Variants in CAST observed in about 807,000 individuals in gnomAD.
The protein encoded by CAST is calpastatin.
Under a neutral mutation model 119.6 loss-of-function variants are expected in CAST, and 76 were observed. That is an observed-to-expected ratio of 0.64 (90% confidence interval 0.53 to 0.77). The LOEUF is 0.77. CAST is among the 30% of genes least tolerant of loss of function. CAST has a pLI of 0.00. For missense variants in CAST, 953 were observed against 946.5 expected, an observed-to-expected ratio of 1.01 and a Z score of -0.09; for synonymous variants, 319 against 331.6, an observed-to-expected ratio of 0.96 and a Z score of 0.41.
At chr5:96,587,477 C>T (rs1025926810) in intron 1 of CAST, among the ~76,000 whole-genome samples, 5 of 152,106 alleles carry the variant, frequency 3.3e-5, no homozygotes, top group Admixed American at 6.5e-5. Flanking sequence ...TTGCTACTTA[C>T]GTTAAGTAGG....
At chr5:96,064,217 C>A in the CAST span, among the ~76,000 whole-genome samples, 2 of 152,054 alleles carry the variant, frequency 1.3e-5, no homozygotes, top group Non-Finnish European at 2.9e-5. Flanking sequence ...TCCAGTATTT[C>A]TTGATGCTAT....
intron 3 of CAST, among the ~76,000 whole-genome samples, chr5:96,699,281 T>C (rs1753631102): frequency 6.6e-6 from 1 of 152,210 alleles, no homozygotes; most frequent in Non-Finnish European, 1.5e-5. Context: ...AAACCGAGGT[T>C]CAAATTGCAT....
rs1748799890 is a variant in CAST at position 96,663,125 on chromosome 5, C to G, written c.75+628C>G. 11 of 702,600 alleles carry G rather than the reference C, an allele frequency of 1.6e-5. No homozygotes were observed. In the East Asian group the frequency reaches 3.0e-4, roughly 19 times the overall value. 43.5% of individuals were successfully genotyped at this position (702,600 alleles called of 1,614,324 possible). ...CCCCCGCCGTGCGGATCGGAGCCAG[C>G]CGGTTGTTGCCATGGCATTCGCCAG... On this transcript the variant is annotated intron_variant, in intron 1 of 31. Coordinates refer to ENST00000675179, the MANE Select transcript of CAST (RefSeq NM_001750.7).
the CAST span, among the ~76,000 whole-genome samples, chr5:96,070,289 G>A: frequency 6.6e-6 from 1 of 152,140 alleles, no homozygotes; most frequent in South Asian, 2.1e-4. Flanking sequence ...TTGATTTATA[G>A]TTGTTTATTT....
chr5:96,674,716 T>C (rs1327122623), intron 1 of CAST, among the ~76,000 whole-genome samples: 1 of 152,220 alleles, frequency 6.6e-6, no homozygotes, highest in Non-Finnish European at 1.5e-5. Flanking sequence ...ATAAAGACAG[T>C]TATGAGGAAT....
the CAST span, among the ~76,000 whole-genome samples, chr5:96,458,641 A>G: frequency 6.6e-6 from 1 of 152,326 alleles, no homozygotes; most frequent in East Asian, 1.9e-4. Flanking sequence ...CATTAATTCT[A>G]ACTACTTTGA....
the CAST span, among the ~76,000 whole-genome samples, chr5:96,518,037 T>C: frequency 6.6e-6 from 1 of 152,204 alleles, no homozygotes; most frequent in South Asian, 2.1e-4. Flanking sequence ...AGCTAAAAAA[T>C]GGTGAAGCCA....
At chr5:96,162,401 G>A in the CAST span, among the ~76,000 whole-genome samples, 1,174 of 152,050 alleles carry the variant, frequency 7.7e-3, 18 homozygotes, top group African/African-American at 0.027. Flanking sequence ...TACTAGCACG[G>A]GATGGTATAT....
At chr5:96,492,277 T>C in the CAST span, among the ~76,000 whole-genome samples, 1 of 152,250 alleles carries the variant, frequency 6.6e-6, no homozygotes, top group African/African-American at 2.4e-5. Context: ...AAGTCCTATT[T>C]AGAAGATAAA....
the CAST span, among the ~76,000 whole-genome samples, chr5:96,466,800 A>T: frequency 1.3e-5 from 2 of 152,148 alleles, no homozygotes; most frequent in Admixed American, 1.3e-4. Flanking sequence ...AATGCATGCA[A>T]TGGAATAATG....
At chr5:96,269,803 G>A in the CAST span, among the ~76,000 whole-genome samples, 1 of 152,248 alleles carries the variant, frequency 6.6e-6, no homozygotes, top group East Asian at 1.9e-4. Context: ...TGGCTTCACT[G>A]CTAAGTTACA....
At chr5:96,150,205 G>T in the CAST span, among the ~76,000 whole-genome samples, 11 of 152,204 alleles carry the variant, frequency 7.2e-5, no homozygotes, top group Admixed American at 3.3e-4. Context: ...AGAGAACAAA[G>T]CAGTAGGTGT....
At chr5:96,537,513 T>C (rs1745841520) in intron 1 of CAST, among the ~76,000 whole-genome samples, 1 of 152,138 alleles carries the variant, frequency 6.6e-6, no homozygotes, top group Admixed American at 6.5e-5. Context: ...GAACTTTTTA[T>C]TAAAACACTT....
the CAST span, among the ~76,000 whole-genome samples, chr5:95,984,377 A>G: frequency 6.6e-6 from 1 of 152,096 alleles, no homozygotes; most frequent in Non-Finnish European, 1.5e-5. Flanking sequence ...GCTTTTTAAA[A>G]GCAGATGATA....
the CAST span, among the ~76,000 whole-genome samples, chr5:96,420,565 C>T: frequency 1.3e-5 from 2 of 151,886 alleles, no homozygotes; most frequent in East Asian, 1.9e-4. Context: ...ACAAGCCTCC[C>T]ATTTTCCCCA....
chr5:96,662,346 T>C, upstream of CAST: 1 of 365,636 alleles, frequency 2.7e-6, no homozygotes, highest in Non-Finnish European at 4.1e-6. Flanking sequence ...CCTCTCTCCC[T>C]GGCAGGACTC....
intron 28 of CAST, 38 bp downstream of exon 28, chr5:96,767,520 T>C (rs760401641): frequency 1.3e-6 from 2 of 1,558,888 alleles, no homozygotes; most frequent in South Asian, 2.2e-5. Context: ...TAAATTTTGT[T>C]TTATTCTAGC....
chr5:96,321,256 A>G, the CAST span, among the ~76,000 whole-genome samples: 1 of 152,150 alleles, frequency 6.6e-6, no homozygotes, highest in South Asian at 2.1e-4. Flanking sequence ...GATGCCAGTA[A>G]CATCCTCCCA....
the CAST span, among the ~76,000 whole-genome samples, chr5:96,376,845 A>G: frequency 6.6e-6 from 1 of 152,280 alleles, no homozygotes; most frequent in East Asian, 1.9e-4. Context: ...GTATTCCAGA[A>G]GAAGGCATTG....
Sources: allele counts gnomAD v4.1 joint callset (sites outside exome capture counted in the v4.1 genomes callset), GRCh38; gene constraint gnomAD v4.1.1; transcripts MANE v1.5; gene names NCBI Gene and HGNC (gene_info 2026-07-23, HGNC 2026-07-21).